Variants in LRRC23 observed in about 807,000 individuals in gnomAD.
The protein encoded by LRRC23 is leucine rich repeat containing 23.
Under a neutral mutation model 37.7 loss-of-function variants are expected in LRRC23, and 28 were observed. The observed-to-expected ratio is 0.74, with a 90% confidence interval of 0.55 to 1.02. LRRC23 has a LOEUF of 1.02. LRRC23 is among the 50% of genes least tolerant of loss of function. The pLI, the probability that LRRC23 is intolerant of heterozygous loss-of-function variation, is 0.00. For synonymous variants in LRRC23, 161 were observed against 165.4 expected (o/e 0.97, Z 0.20); for missense variants, 377 against 413.2 (o/e 0.91, Z 0.76).
At chr12:6,908,239 C>A (rs2138144771) in intron 5 of LRRC23, among the ~76,000 whole-genome samples, 1 of 152,132 alleles carries the variant, frequency 6.6e-6, no homozygotes, top group East Asian at 1.9e-4. Flanking sequence ...TTCATGGAAG[C>A]TTCATGATCT....
rs1446056731 is a variant in LRRC23 at position 6,905,854 on chromosome 12, A to AC, written c.142dup (p.Leu48ProfsTer15). The AC allele has an allele frequency of 2.5e-6, 4 of 1,613,494 alleles. No individual in the cohort carries two copies. In the African/African-American group the frequency reaches 5.4e-5, roughly 22 times the overall value. ...CCACTTCTACCTGCAGTGGCTGCCC[A>AC]CCCCCCTCACGGAGGACATGATGAA... On this transcript the variant is annotated frameshift_variant, in exon 3 of 8. Coordinates refer to ENST00000443597, the MANE Select transcript of LRRC23 (RefSeq NM_001135217.2). LOFTEE classifies it high-confidence loss of function.
chr12:6,910,236 A>T (rs1945126368), intron 6 of LRRC23, among the ~76,000 whole-genome samples: 1 of 152,088 alleles, frequency 6.6e-6, no homozygotes, highest in Non-Finnish European at 1.5e-5. Context: ...TTCAATCCAC[A>T]ATTATTGAGA....
rs3759353 is a variant in LRRC23 at position 6,912,793 on chromosome 12, G to A, written c.822G>A (p.Ala274=). The A allele has an allele frequency of 6.7e-3, 10,763 of 1,614,122 alleles. 1,002 individuals carry two copies. In the East Asian group the frequency reaches 0.2, roughly 30 times the overall value. The part of the protein sequence containing the change: ...AKLRDLPKLR[A]LVLLDNPCTD... ...TTCGAGACCTGCCCAAGCTGCGAGC[G>A]TTGGTGCTGCTTGATAACCCATGCA... is the stretch of plus-strand genomic sequence containing the variant. Residue 274 remains alanine, a synonymous_variant, in exon 7 of 8, where the codon GCG becomes GCA. Transcript: ENST00000443597.
Position 6,906,558 on chromosome 12 carries a change from A to G in LRRC23, c.386A>G (p.Gln129Arg), listed in dbSNP as rs932877660. Reference sequence around the variant, plus strand: ...GATGGCAATCGGCTGCGAAGTGCCCAGATGAATGAACTGCCCTACCTGCAG... The same window carrying G: ...GATGGCAATCGGCTGCGAAGTGCCCGGATGAATGAACTGCCCTACCTGCAG... ...KADGNRLRSA[Q>R]MNELPYLQIA... The change falls in exon 4 of 8, where the codon CAG becomes CGG. Residue 129 changes from glutamine to arginine, a missense_variant. Physicochemically the swap from Gln to Arg is conservative, Grantham distance 43. Transcript: ENST00000443597. 6.2e-7 allele frequency: 1 copy of G among 1,614,248 alleles called. No individual in the cohort carries two copies. Among genetic ancestry groups the G allele is most frequent in the Non-Finnish European group, 8.5e-7 (1 of 1,180,046 alleles).
rs1016018371 is a variant in LRRC23 at position 6,906,542 on chromosome 12, C to T, written c.370C>T (p.Arg124Trp). ...HLLWLKADGN[R>W]LRSAQMNELP... is the part of the protein sequence containing the mutation. Reference sequence around the variant, plus strand: ...GCTCTGGCTCAAGGCTGATGGCAATCGGCTGCGAAGTGCCCAGATGAATGA... The same window carrying T: ...GCTCTGGCTCAAGGCTGATGGCAATTGGCTGCGAAGTGCCCAGATGAATGA... Residue 124 changes from arginine (R) to tryptophan (W), a missense_variant, in exon 4 of 8, where the codon CGG (arginine) becomes TGG (tryptophan). Around this residue, in one of 3 missense-constraint regions of LRRC23, gnomAD observed 266 missense variants for 285.6 expected, o/e 0.93. Coordinates refer to ENST00000443597, the MANE Select transcript of LRRC23 (RefSeq NM_001135217.2). 3.1e-6 allele frequency: 5 copies of T among 1,614,092 alleles called. No homozygotes were observed. The highest frequency in any genetic ancestry group is 3.3e-5 in the Admixed American group (2 of 60,004).
In LRRC23 at chr12:6,913,556, T is replaced by TA. The variant is rs1223654766; in HGVS notation, c.*25-335_*25-334insA. Among the ~76,000 whole-genome samples the TA allele has an allele frequency of 4.9e-5, 4 of 81,476 alleles. No individual in the cohort carries two copies. The East Asian group carries it at 1.7e-3, about 34-fold the overall frequency. The allele number at this position is 81,476 out of a possible 152,430, so 53.5% of individuals were successfully genotyped here. ...GAGAGGCTTTATTTACCTCTGTTTGTTTTTTTTTTTTTTTTTTTTTTTTTT... is the reference window on the plus strand; with the variant it reads ...GAGAGGCTTTATTTACCTCTGTTTGTATTTTTTTTTTTTTTTTTTTTTTTTT... On this transcript the variant is annotated intron_variant, in intron 7 of 7. Transcript: ENST00000443597.
In LRRC23 at chr12:6,912,761, G is replaced by A. The variant is rs782354886; in HGVS notation, c.790G>A (p.Ala264Thr). 2.5e-6 allele frequency: 4 copies of A among 1,613,942 alleles called. No individual in the cohort carries two copies. In the African/African-American group the frequency reaches 4.0e-5, roughly 16 times the overall value. ...GNMVANLGELAKLRDLPKLRA... is the reference protein window; with the variant it reads ...GNMVANLGELTKLRDLPKLRA... ...CATGGTGGCCAACCTGGGGGAGCTGGCCAAGCTTCGAGACCTGCCCAAGCT... is the reference window on the plus strand; with the variant it reads ...CATGGTGGCCAACCTGGGGGAGCTGACCAAGCTTCGAGACCTGCCCAAGCT... The change falls in exon 7 of 8, where the codon GCC becomes ACC. Residue 264 changes from alanine to threonine, a missense_variant. By Grantham distance (58) the Ala-to-Thr change is moderately conservative. Around this residue, in one of 3 missense-constraint regions of LRRC23, gnomAD observed 266 missense variants for 285.6 expected, o/e 0.93. Coordinates refer to ENST00000443597, the MANE Select transcript of LRRC23 (RefSeq NM_001135217.2).
rs1555140169 is a variant in LRRC23, at chr12:6,909,090, TATA to T, written c.622-799_622-797del. ...ATATATATTATATATTATATAATTATATATTATATATAATATATAATTACATAT... is the reference window on the plus strand; with the variant it reads ...ATATATATTATATATTATATAATTATTTATATATAATATATAATTACATAT... On this transcript the variant is annotated intron_variant, in intron 5 of 7. Transcript: ENST00000443597. 2.6e-4 allele frequency among the ~76,000 whole-genome samples: 12 copies of T among 46,898 alleles called. 1 individual carries two copies. In the South Asian group the frequency reaches 2.6e-3, roughly 10 times the overall value. The allele number at this position is 46,898 out of a possible 152,430, so 30.8% of individuals were successfully genotyped here. A position where few individuals can be genotyped will look rare whatever the true frequency, so the allele number is the denominator to read the frequency against.
At chr12:6,910,296 A>G (rs1945127593) in intron 6 of LRRC23, among the ~76,000 whole-genome samples, 1 of 152,164 alleles carries the variant, frequency 6.6e-6, no homozygotes, top group South Asian at 2.1e-4. Flanking sequence ...ATTTAAAGCA[A>G]TCAGAGGCTG....
rs1945201209 is a variant in LRRC23, at chr12:6,912,933, G to C, written c.962G>C (p.Arg321Thr). Residue 321 changes from arginine to threonine, a missense_variant, in exon 7 of 8, where the codon AGG (arginine) becomes ACG (threonine). By Grantham distance (71) the Arg-to-Thr change is moderately conservative. Around this residue, in one of 3 missense-constraint regions of LRRC23, gnomAD observed 266 missense variants for 285.6 expected, o/e 0.93. Transcript: ENST00000443597. ...GCTGAGGCTGATGTGATTCGACAGA[G>C]GCTGAAGGAAGAAAAGGAGCAGGAG... ...ERAEADVIRQ[R>T]LKEEKEQEPE... 2 of 1,614,008 alleles carry C rather than the reference G, an allele frequency of 1.2e-6. No homozygotes were observed. Among genetic ancestry groups the C allele is most frequent in the South Asian group, 2.2e-5 (2 of 91,078 alleles).
At chr12:6,911,977 C>T (rs782338499) in intron 6 of LRRC23, among the ~76,000 whole-genome samples, 5 of 152,114 alleles carry the variant, frequency 3.3e-5, no homozygotes, top group Admixed American at 6.6e-5. Context: ...CACCCCCAAC[C>T]GGGGTGACAT....
At chr12:6,908,358 A>G (rs1409580101) in intron 5 of LRRC23, among the ~76,000 whole-genome samples, 2 of 152,056 alleles carry the variant, frequency 1.3e-5, no homozygotes, top group Admixed American at 1.3e-4. Context: ...GCACTTTGGG[A>G]GGCTGAGGCG....
rs782232322 is a variant in LRRC23 at position 6,907,323 on chromosome 12, A to G, written c.499A>G (p.Ile167Val). 5 of 1,613,896 alleles carry G rather than the reference A, an allele frequency of 3.1e-6. No individual in the cohort carries two copies. Among genetic ancestry groups the G allele is most frequent in the Non-Finnish European group, 3.4e-6 (4 of 1,179,938 alleles). ...LETLNLKGNS[I>V]HMVTGLDPEK... The stretch of plus-strand genomic sequence containing the variant: ...GAAACCCTCCTCCCCAGGGAACAGC[A>G]TCCACATGGTGACAGGTCTGGACCC... Residue 167 changes from isoleucine to valine, a missense_variant, in exon 5 of 8, where the codon ATC becomes GTC. Physicochemically the swap from Ile to Val is conservative, Grantham distance 29. Transcript: ENST00000443597.
rs371209973 is a variant in LRRC23 at position 6,914,071 on chromosome 12, G to C, written c.*205G>C. The C allele has an allele frequency of 5.1e-6, 8 of 1,564,782 alleles. No individual in the cohort carries two copies. Among genetic ancestry groups the C allele is most frequent in the Non-Finnish European group, 6.9e-6 (8 of 1,158,410 alleles). The stretch of plus-strand genomic sequence containing the variant: ...TGTGGGGTGCAGAATGGGGTGCCTA[G>C]GCCTGAGCGTTGCCTGGAGCCTAGG... On this transcript the variant is annotated 3_prime_UTR_variant, in exon 8 of 8. Coordinates refer to ENST00000443597, the MANE Select transcript of LRRC23 (RefSeq NM_001135217.2). The surrounding 1 kb of genome is among the most constrained non-coding windows in gnomAD (Gnocchi z 7.1).
chr12:6,914,220 C>CA lies in LRRC23; in HGVS notation c.*355dup. On this transcript the variant is annotated 3_prime_UTR_variant, in exon 8 of 8. Coordinates refer to ENST00000443597, the MANE Select transcript of LRRC23 (RefSeq NM_001135217.2). The surrounding 1 kb of genome is among the most constrained non-coding windows in gnomAD (Gnocchi z 7.1). ...GGTGTTCGGATTTCCAATAAAGAAA[C>CA]AGAGTGATGCTCCTGTGTCTGACCG... 1.6e-6 allele frequency: 1 copy of CA among 633,532 alleles called. No individual in the cohort carries two copies. The highest frequency in any genetic ancestry group is 2.6e-6 in the Non-Finnish European group (1 of 385,070). The allele number at this position is 633,532 out of a possible 1,614,324, so 39.2% of individuals were successfully genotyped here. A position where few individuals can be genotyped will look rare whatever the true frequency, so the allele number is the denominator to read the frequency against.
At chr12:6,908,823 CAAA>C (rs34675493) in intron 5 of LRRC23, among the ~76,000 whole-genome samples, 2 of 119,096 alleles carry the variant, frequency 1.7e-5, no homozygotes, top group East Asian at 2.3e-4. Context: ...GACTCTGTTT[CAAA>C]AAAAAAAAAA....
At chr12:6,907,220 G>A (rs1944969884) in intron 4 of LRRC23, 95 bp from the exon 5 acceptor site, 1 of 1,458,732 alleles carries the variant, frequency 6.9e-7, no homozygotes, top group Non-Finnish European at 9.5e-7. Flanking sequence ...ACCCTGCTTT[G>A]CGAATGGTAG....
At chr12:6,913,566 T>TTG in intron 7 of LRRC23, among the ~76,000 whole-genome samples, 1 of 125,746 alleles carries the variant, frequency 8.0e-6, no homozygotes, top group Non-Finnish European at 1.7e-5. Flanking sequence ...TTTTTTTTTT[T>TTG]TTTTTTTTTT....
rs1309747428 is a variant in LRRC23 at position 6,912,748 on chromosome 12, C to T, written c.777C>T (p.Asn259=). The stretch of plus-strand genomic sequence containing the variant: ...CTGGCAGGGGCAACATGGTGGCCAA[C>T]CTGGGGGAGCTGGCCAAGCTTCGAG... ...YLNLRGNMVA[N]LGELAKLRDL... Residue 259 remains asparagine, a synonymous_variant, in exon 7 of 8, where the codon AAC becomes AAT. Transcript: ENST00000443597. 2 of 1,613,988 alleles carry T rather than the reference C, an allele frequency of 1.2e-6. No homozygotes were observed. Among genetic ancestry groups the T allele is most frequent in the Non-Finnish European group, 1.7e-6 (2 of 1,179,998 alleles).
Sources: gnomAD v4.1 joint callset for allele counts (sites outside exome capture counted in the v4.1 genomes callset) on GRCh38, gnomAD v4.1.1 for gene constraint, gnomAD v4.1.1 regional missense constraint, Gnocchi (gnomAD v3.1) non-coding constraint, MANE v1.5 for transcripts, NCBI Gene and HGNC (gene_info 2026-07-23, HGNC 2026-07-21) for gene names.